Variants in WDR89 observed in about 807,000 individuals in gnomAD.
WDR89 encodes WD repeat domain 89.
WDR89 carries 17 observed loss-of-function variants against 29.1 expected under a neutral mutation model. That is an observed-to-expected ratio of 0.58 (90% CI 0.40 to 0.88). The LOEUF is 0.88. Among genes scored for constraint, WDR89 ranks in the 40% least tolerant of loss-of-function variants. The pLI is 0.00. For synonymous variants in WDR89, 138 were observed against 157.8 expected (o/e 0.87, Z 0.94); for missense variants, 396 against 456.3 (o/e 0.87, Z 1.20).
At chr14:63,607,976 G>A (rs1566791508) in intron 2 of WDR89, among the ~76,000 whole-genome samples, 2 of 151,962 alleles carry the variant, frequency 1.3e-5, no homozygotes, top group Non-Finnish European at 2.9e-5. Flanking sequence ...GGGAGGCCAA[G>A]GCGGGCAGAT....
At chr14:63,641,110 AAAAAAG>A (rs796678998) in intron 1 of WDR89, among the ~76,000 whole-genome samples, 606 of 150,152 alleles carry the variant, frequency 4.0e-3, no homozygotes, top group Non-Finnish European at 5.0e-3. Context: ...AAAAAAAAAA[AAAAAAG>A]AAAAAGAAAA....
intron 1 of WDR89, among the ~76,000 whole-genome samples, chr14:63,640,979 T>G (rs1884079960): frequency 6.8e-6 from 1 of 147,210 alleles, no homozygotes; most frequent in Non-Finnish European, 1.5e-5. Context: ...GCGCCTATAA[T>G]CCCGGCTACT....
At chr14:63,623,495 G>A (rs1239475384) in intron 2 of WDR89, among the ~76,000 whole-genome samples, 2 of 151,872 alleles carry the variant, frequency 1.3e-5, no homozygotes, top group South Asian at 2.1e-4. Context: ...CTTGAGGTCA[G>A]GAGTCCAAGA....
intron 1 of WDR89, among the ~76,000 whole-genome samples, chr14:63,628,447 C>G (rs1883204637): frequency 1.3e-5 from 2 of 152,046 alleles, no homozygotes; most frequent in African/African-American, 4.8e-5. Context: ...AGAAAATTGG[C>G]AAGCTCTATG....
chr14:63,637,579 T>C (rs1196955166), intron 1 of WDR89, among the ~76,000 whole-genome samples: 1 of 152,144 alleles, frequency 6.6e-6, no homozygotes, highest in African/African-American at 2.4e-5. Context: ...TATATATGTG[T>C]GTGTATATAT....
rs762874676 is a variant in WDR89 at position 63,599,694 on chromosome 14, GTCACAGGA to G, written c.241_248del (p.Ser81GlnfsTer8). ...CATCAGTACATGCTGAATATACACT[GTCACAGGA>G]ATTTGCAAATCTGACTCCATTAAGA... is the stretch of plus-strand genomic sequence containing the variant. On this transcript the variant is annotated frameshift_variant, in exon 3 of 3. Transcript: ENST00000620954. LOFTEE classifies it high-confidence loss of function. The G allele has an allele frequency of 1.2e-5, 19 of 1,614,066 alleles. No individual in the cohort carries two copies. Among genetic ancestry groups the G allele is most frequent in the Non-Finnish European group, 1.6e-5 (19 of 1,180,040 alleles).
chr14:63,640,559 G>C (rs1566804332), intron 1 of WDR89, among the ~76,000 whole-genome samples: 1 of 151,328 alleles, frequency 6.6e-6, no homozygotes, highest in Non-Finnish European at 1.5e-5. Context: ...CACGATCTTG[G>C]CTCACTGCAA....
chr14:63,639,049 G>C (rs1030470613), intron 1 of WDR89, among the ~76,000 whole-genome samples: 2 of 152,154 alleles, frequency 1.3e-5, no homozygotes, highest in Non-Finnish European at 2.9e-5. Flanking sequence ...TATGATGATA[G>C]CATGATGTCC....
chr14:63,627,789 TG>T (rs957885915), intron 1 of WDR89, among the ~76,000 whole-genome samples: 1 of 150,832 alleles, frequency 6.6e-6, no homozygotes, highest in Admixed American at 6.6e-5. Context: ...TTTCACTGTA[TG>T]AAAAAAAAAA....
rs549952479 is a variant in WDR89, at chr14:63,620,527, G to A, written c.-32+4401C>T. 8.5e-5 allele frequency among the ~76,000 whole-genome samples: 13 copies of A among 152,218 alleles called. 1 individual carries two copies. In the South Asian group the frequency reaches 2.7e-3, roughly 32 times the overall value. On this transcript the variant is annotated intron_variant, in intron 2 of 2. Coordinates refer to ENST00000620954, the MANE Select transcript of WDR89 (RefSeq NM_080666.4). ...AAATTTCACTTGGAAAGAGGAGTAA[G>A]TTCAAGAGCTCTACTGTATAATATG...
At chr14:63,627,179 C>T (rs908068850) in intron 1 of WDR89, among the ~76,000 whole-genome samples, 28 of 150,102 alleles carry the variant, frequency 1.9e-4, no homozygotes, top group African/African-American at 6.6e-4. Context: ...CTCTCTCTCT[C>T]TCTCCTCTCT....
At chr14:63,630,137 G>A (rs942393620) in intron 1 of WDR89, among the ~76,000 whole-genome samples, 12 of 151,910 alleles carry the variant, frequency 7.9e-5, no homozygotes, top group African/African-American at 2.4e-4. Context: ...TGGTAGAGAC[G>A]GGGTTTCCCC....
At chr14:63,601,701 A>C (rs560183645) in intron 2 of WDR89, 1 of 1,596,412 alleles carries the variant, frequency 6.3e-7, no homozygotes, top group East Asian at 2.2e-5. Context: ...AGTTCGTGTG[A>C]AAGTTGGAGA....
intron 2 of WDR89, among the ~76,000 whole-genome samples, chr14:63,620,019 A>AAG (rs1555374902): frequency 1.3e-5 from 2 of 151,580 alleles, no homozygotes; most frequent in Non-Finnish European, 2.9e-5. Flanking sequence ...AAAAAAAAAA[A>AAG]AAAAAGAAAA....
chr14:63,598,050 C>T lies in WDR89; in HGVS notation c.*729G>A, dbSNP rs930528698. ...AGGAAAGAGAAAAGCCCAGGTTATC[C>T]TCAGATTTATGGTTTGGACAACAGG... On this transcript the variant is annotated 3_prime_UTR_variant, in exon 3 of 3. Coordinates refer to ENST00000620954, the MANE Select transcript of WDR89 (RefSeq NM_080666.4). 2.6e-5 allele frequency: 4 copies of T among 152,144 alleles called. No individual in the cohort carries two copies. The highest frequency in any genetic ancestry group is 9.7e-5 in the African/African-American group (4 of 41,438). 9.4% of individuals were successfully genotyped at this position (152,144 alleles called of 1,614,324 possible).
At chr14:63,624,391 C>T (rs958587416) in intron 2 of WDR89, among the ~76,000 whole-genome samples, 3 of 147,484 alleles carry the variant, frequency 2.0e-5, no homozygotes, top group Non-Finnish European at 3.0e-5. Context: ...CACTTTAGCC[C>T]GGGAGGTGGA....
Position 63,599,303 on chromosome 14 carries a change from TACAGGTTGTAACCAGTG to T in WDR89, c.623_639del (p.Ala208GlufsTer17), listed in dbSNP as rs1253543387. The T allele has an allele frequency of 6.2e-7, 1 of 1,614,026 alleles. No homozygotes were observed. Among genetic ancestry groups the T allele is most frequent in the African/African-American group, 1.3e-5 (1 of 75,060 alleles). On this transcript the variant is annotated frameshift_variant, in exon 3 of 3. Transcript: ENST00000620954. LOFTEE classifies it high-confidence loss of function. ...ATACAGCTTACTGATGAAATTGAGT[TACAGGTTGTAACCAGTG>T]CATCCTCCTCATTATCAATATTAAT...
In WDR89 at chr14:63,637,900, G is replaced by A. The variant is rs1883842501; in HGVS notation, c.-138+3904C>T. Among the ~76,000 whole-genome samples, 5 of 152,060 alleles carry A rather than the reference G, an allele frequency of 3.3e-5. No homozygotes were observed. In the South Asian group the frequency reaches 1.0e-3, roughly 32 times the overall value. ...CAAAATCTCACAAATCATCACTAAAGAACTTACTCATATAACCAAATACCA... is the reference window on the plus strand; with the variant it reads ...CAAAATCTCACAAATCATCACTAAAAAACTTACTCATATAACCAAATACCA... On this transcript the variant is annotated intron_variant, in intron 1 of 2. Transcript: ENST00000620954.
intron 2 of WDR89, among the ~76,000 whole-genome samples, chr14:63,607,324 G>A (rs1238785955): frequency 6.6e-6 from 1 of 151,898 alleles, no homozygotes; most frequent in Admixed American, 6.6e-5. Flanking sequence ...CACCATGCCC[G>A]GCTAATTGTT....
Sources: gnomAD v4.1 joint callset for allele counts (sites outside exome capture counted in the v4.1 genomes callset) on GRCh38, gnomAD v4.1.1 for gene constraint, MANE v1.5 for transcripts, NCBI Gene and HGNC (gene_info 2026-07-23, HGNC 2026-07-21) for gene names.